SMARCA1: variants seen among roughly 807,000 people sequenced by gnomAD.
The protein encoded by SMARCA1 is SWI/SNF-related matrix-associated actin-dependent regulator of chromatin subfamily A member 1.
In SMARCA1, 17 loss-of-function variants were observed where a neutral mutation model predicts 93.6. That is an observed-to-expected ratio of 0.18 (90% CI 0.12 to 0.27). The LOEUF (loss-of-function observed/expected upper bound fraction) is 0.27. Among genes scored for constraint, SMARCA1 ranks in the 10% least tolerant of loss-of-function variants. The pLI, the probability that SMARCA1 is intolerant of heterozygous loss-of-function variation, is 1.00. For missense variants in SMARCA1, 630 were observed against 819.0 expected, an observed-to-expected ratio of 0.77 and a Z score of 2.82; for synonymous variants, 271 against 271.4, an observed-to-expected ratio of 1.00 and a Z score of 0.01.
chrX:129,478,215 G>T (rs933073002), intron 19 of SMARCA1, among the ~76,000 whole-genome samples: 3 of 111,986 alleles, frequency 2.7e-5, no homozygotes, highest in African/African-American at 9.7e-5. Context: ...TTACATTGTA[G>T]TATCTAATGC....
At position 129,523,455 on chromosome X, in the gene SMARCA1, G is replaced by C; in HGVS notation, c.-85C>G. On this transcript the variant is annotated 5_prime_UTR_variant, in exon 1 of 25. In the 5' UTR this introduces an upstream ATG that the reference lacks. Coordinates refer to ENST00000371121, the MANE Select transcript of SMARCA1 (RefSeq NM_001282874.2). ...GCAGTGGCTGCACTGGAAAGAGCTA[G>C]ATGGAGCAGGGGTGGGGAATCACTC... The C allele has an allele frequency of 6.3e-6, 5 of 793,686 alleles. No homozygotes were observed. Among genetic ancestry groups the C allele is most frequent in the Non-Finnish European group, 8.9e-6 (5 of 563,741 alleles). The allele number at this position is 793,686 out of a possible 1,213,427, so 65.4% of individuals were successfully genotyped here.
chrX:129,500,201 C>T (rs1363107090), intron 9 of SMARCA1, among the ~76,000 whole-genome samples: 1 of 111,380 alleles, frequency 9.0e-6, no homozygotes, highest in Non-Finnish European at 1.9e-5. Flanking sequence ...AGAGTCTCAC[C>T]CTGTCACCCA....
chrX:129,478,880 C>A (rs894562518), intron 19 of SMARCA1, among the ~76,000 whole-genome samples: 2 of 111,735 alleles, frequency 1.8e-5, no homozygotes, highest in Admixed American at 1.9e-4. Context: ...AGGGTTACAT[C>A]GCATGCAGAA....
chrX:129,472,736 T>G (rs1038051438), intron 19 of SMARCA1, among the ~76,000 whole-genome samples: 2 of 111,927 alleles, frequency 1.8e-5, no homozygotes, highest in Non-Finnish European at 1.9e-5. Context: ...TTCAGATTTT[T>G]GGGGGTTTTG....
intron 12 of SMARCA1, among the ~76,000 whole-genome samples, chrX:129,496,150 A>C (rs906793120): frequency 2.0e-5 from 2 of 97,778 alleles, no homozygotes; most frequent in South Asian, 1.0e-3. Context: ...GTTTGAGAAA[A>C]ATACTGCATA....
chrX:129,523,226 C>T lies in SMARCA1; in HGVS notation c.145G>A (p.Ala49Thr), dbSNP rs1384636141. Residue 49 changes from alanine (A) to threonine (T), a missense_variant, in exon 1 of 25, where the codon GCC (alanine) becomes ACC (threonine). Coordinates refer to ENST00000371121, the MANE Select transcript of SMARCA1 (RefSeq NM_001282874.2). ...TTCTTCTTCTCGCCCTTCTCCGTGGCCGCGGTGGCTTCGGTGGCCGCGGCG... is the reference window on the plus strand; with the variant it reads ...TTCTTCTTCTCGCCCTTCTCCGTGGTCGCGGTGGCTTCGGTGGCCGCGGCG... ...AAAAATEATA[A>T]TEKGEKKKEK... 1 of 1,211,527 alleles carries T rather than the reference C, an allele frequency of 8.3e-7. No individual in the cohort carries two copies. The highest frequency in any genetic ancestry group is 1.8e-5 in the South Asian group (1 of 56,996).
chrX:129,488,555 T>A (rs1377103021), intron 16 of SMARCA1, among the ~76,000 whole-genome samples: 1 of 103,461 alleles, frequency 9.7e-6, no homozygotes, highest in African/African-American at 3.6e-5. Flanking sequence ...CTACAGTGAG[T>A]TATCATTGCA....
At chrX:129,492,636 G>C (rs1444426667) in intron 13 of SMARCA1, among the ~76,000 whole-genome samples, 1 of 110,605 alleles carries the variant, frequency 9.0e-6, no homozygotes, top group Non-Finnish European at 1.9e-5. Context: ...GGAACAAGCA[G>C]GTAAGTAATG....
chrX:129,501,044 T>C (rs1046654880), intron 9 of SMARCA1, among the ~76,000 whole-genome samples: 2 of 112,447 alleles, frequency 1.8e-5, no homozygotes, highest in South Asian at 3.7e-4. Context: ...GATACTATAC[T>C]ATGAACTTTA....
chrX:129,494,241 T>C (rs1934234030), intron 12 of SMARCA1, among the ~76,000 whole-genome samples: 2 of 111,623 alleles, frequency 1.8e-5, no homozygotes, highest in South Asian at 7.5e-4. Flanking sequence ...GATATTCTCT[T>C]TGTCCTAGGA....
In SMARCA1 at chrX:129,455,580, A is replaced by G. The variant is rs776830250; in HGVS notation, c.3031-7137T>C. ...TGTAACAAACCTGCACATTCTGCAC[A>G]TGTATCCCAGAACTTAAAGTATAAT... On this transcript the variant is annotated intron_variant, in intron 23 of 24. Coordinates refer to ENST00000371121, the MANE Select transcript of SMARCA1 (RefSeq NM_001282874.2). 7.2e-5 allele frequency among the ~76,000 whole-genome samples: 8 copies of G among 110,397 alleles called. No individual in the cohort carries two copies. In the South Asian group the frequency reaches 3.2e-3, roughly 44 times the overall value.
intron 23 of SMARCA1, among the ~76,000 whole-genome samples, chrX:129,450,356 C>T (rs1391244176): frequency 8.9e-6 from 1 of 111,946 alleles, no homozygotes; most frequent in African/African-American, 3.2e-5. Flanking sequence ...CCTGCTGGCA[C>T]CTTGATCTTG....
chrX:129,486,738 C>T (rs1933904119), intron 17 of SMARCA1, among the ~76,000 whole-genome samples: 2 of 111,046 alleles, frequency 1.8e-5, no homozygotes, highest in African/African-American at 3.3e-5. Flanking sequence ...CAATCCTACA[C>T]TGCTTCTCAA....
At position 129,507,983 on chromosome X, in the gene SMARCA1, C is replaced by T. The variant is rs758103602; in HGVS notation, c.924G>A (p.Leu308=). Residue 308 remains leucine (L), a synonymous_variant, in exon 7 of 25, where the codon CTG becomes CTA. Transcript: ENST00000371121. ...SVFKKFHWRY[L]VIDEAHRIKN... ...TTATTCTGTGAGCTTCATCAATGACCAGGTATCGCCAGTGAAACTTTTTGA... is the reference window on the plus strand; with the variant it reads ...TTATTCTGTGAGCTTCATCAATGACTAGGTATCGCCAGTGAAACTTTTTGA... The T allele has an allele frequency of 5.1e-6, 6 of 1,173,171 alleles. No individual in the cohort carries two copies. The highest frequency in any genetic ancestry group is 6.9e-6 in the Non-Finnish European group (6 of 873,026).
At position 129,479,317 on chromosome X, in the gene SMARCA1, AATT is replaced by A. The variant is rs201104375; in HGVS notation, c.2442+1381_2442+1383del. On this transcript the variant is annotated intron_variant, in intron 19 of 24. Transcript: ENST00000371121. The stretch of plus-strand genomic sequence containing the variant: ...ACTACTTCATTATTAAACAATTAAT[AATT>A]ATTGTTAATAATTATCATTAATTTT... Among the ~76,000 whole-genome samples, 810 of 111,535 alleles carry A rather than the reference AATT, an allele frequency of 7.3e-3. 5 individuals are homozygous for A. Among genetic ancestry groups the A allele is most frequent in the Non-Finnish European group, 0.012 (635 of 53,089 alleles).
At chrX:129,473,792 C>T (rs756641496) in intron 19 of SMARCA1, among the ~76,000 whole-genome samples, 6 of 111,567 alleles carry the variant, frequency 5.4e-5, no homozygotes, top group South Asian at 7.5e-4. Context: ...CAGTGGTTGC[C>T]TCTGAGGAGT....
intron 11 of SMARCA1, 116 bp from the exon 12 acceptor site, chrX:129,496,987 ACACACACACGTG>A (rs1934354103): frequency 5.6e-6 from 3 of 532,413 alleles, no homozygotes; most frequent in Non-Finnish European, 9.3e-6. Context: ...CCACTAACGC[ACACACACACGTG>A]CACACACACA....
chrX:129,490,252 A>G (rs750484416), intron 14 of SMARCA1, 60 bp from the exon 15 acceptor site: 2 of 804,040 alleles, frequency 2.5e-6, no homozygotes, highest in East Asian at 3.4e-5. Context: ...TAGAGCCATC[A>G]TATGCTATAA....
At chrX:129,500,538 T>C in intron 9 of SMARCA1, among the ~76,000 whole-genome samples, 1 of 112,465 alleles carries the variant, frequency 8.9e-6, no homozygotes, top group Middle Eastern at 4.6e-3. Context: ...AAAAATGAAA[T>C]AAAAATGCAG....
Sources: gnomAD v4.1 joint callset for allele counts (sites outside exome capture counted in the v4.1 genomes callset) on GRCh38, gnomAD v4.1.1 for gene constraint, MANE v1.5 for transcripts, NCBI Gene and HGNC (gene_info 2026-07-23, HGNC 2026-07-21) for gene names.